CNTN3: variants seen among roughly 807,000 people sequenced by gnomAD.
CNTN3 encodes contactin 3.
CNTN3 carries 60 observed loss-of-function variants against 119.1 expected under a neutral mutation model. The ratio of observed to expected loss-of-function variants is 0.50; its 90% confidence interval spans 0.41 to 0.62. The LOEUF is 0.62. Among genes scored for constraint, CNTN3 ranks in the 20% least tolerant of loss-of-function variants. The pLI is 0.00. For synonymous variants in CNTN3, 450 were observed against 438.7 expected (o/e 1.03, Z -0.32); for missense variants, 1,101 against 1,242.4 (o/e 0.89, Z 1.71).
intron 4 of CNTN3, among the ~76,000 whole-genome samples, chr3:74,450,717 G>A (rs1283245021): frequency 7.6e-6 from 1 of 132,122 alleles, no homozygotes; most frequent in Non-Finnish European, 1.5e-5. Context: ...CTGTGTCCAT[G>A]TGTTCTCATT....
At chr3:74,340,802 CT>C (rs1416553906) in intron 11 of CNTN3, among the ~76,000 whole-genome samples, 1 of 152,118 alleles carries the variant, frequency 6.6e-6, no homozygotes, top group Non-Finnish European at 1.5e-5. Flanking sequence ...GTAAAAATGC[CT>C]CTTGTTGACT....
intron 1 of CNTN3, among the ~76,000 whole-genome samples, chr3:74,592,303 T>C (rs994885360): frequency 2.0e-5 from 3 of 151,912 alleles, no homozygotes; most frequent in South Asian, 2.1e-4. Context: ...GCACCTGTTC[T>C]AGAAGCTCAG....
At chr3:74,489,321 C>A (rs1575776034) in intron 3 of CNTN3, among the ~76,000 whole-genome samples, 1 of 152,208 alleles carries the variant, frequency 6.6e-6, no homozygotes, top group East Asian at 1.9e-4. Flanking sequence ...CTACAGTAGA[C>A]ACAAGCAGAA....
chr3:74,520,948 G>C (rs890693163), intron 2 of CNTN3, 110 bp downstream of exon 2: 6 of 534,058 alleles, frequency 1.1e-5, no homozygotes, highest in African/African-American at 8.0e-5. Context: ...AAAAACATTT[G>C]TTTTTCTTTG....
At chr3:74,464,310 A>G (rs1702422841) in intron 4 of CNTN3, among the ~76,000 whole-genome samples, 1 of 152,196 alleles carries the variant, frequency 6.6e-6, no homozygotes, top group East Asian at 1.9e-4. Context: ...AGCAGCCCCC[A>G]TAATTCTCAA....
At chr3:74,586,203 G>A (rs1369518256) in intron 1 of CNTN3, among the ~76,000 whole-genome samples, 1 of 152,088 alleles carries the variant, frequency 6.6e-6, no homozygotes, top group Non-Finnish European at 1.5e-5. Context: ...TTCCAAATCT[G>A]AGAAAACCTC....
intron 2 of CNTN3, among the ~76,000 whole-genome samples, chr3:74,515,838 C>T (rs1331950367): frequency 6.6e-6 from 1 of 152,008 alleles, no homozygotes; most frequent in Non-Finnish European, 1.5e-5. Context: ...TTTGACCATT[C>T]ACTTAAGGCT....
chr3:74,430,332 C>G (rs1355852531), intron 4 of CNTN3, among the ~76,000 whole-genome samples: 1 of 152,176 alleles, frequency 6.6e-6, no homozygotes, highest in Non-Finnish European at 1.5e-5. Flanking sequence ...AATCTTTATA[C>G]ACCCAACCCC....
rs749571003 is a variant in CNTN3 at position 74,299,951 on chromosome 3, G to A, written c.2096-13C>T. 2.0e-6 allele frequency: 3 copies of A among 1,530,770 alleles called. No individual in the cohort carries two copies. In the South Asian group the frequency reaches 3.8e-5, roughly 20 times the overall value. The allele number at this position is 1,530,770 out of a possible 1,614,324, so 94.8% of individuals were successfully genotyped here. On this transcript the variant is annotated splice_polypyrimidine_tract_variant and intron_variant, in intron 16 of 22. Transcript: ENST00000263665. ...GGCACTTCTGGAACTATACAGGTCA[G>A]AGAAACAGAGATGAAATGGTACTTG...
At chr3:74,425,226 T>C (rs1255073755) in intron 4 of CNTN3, among the ~76,000 whole-genome samples, 1 of 152,116 alleles carries the variant, frequency 6.6e-6, no homozygotes, top group Non-Finnish European at 1.5e-5. Context: ...TTTCTAATCC[T>C]TACCCCTCTC....
chr3:74,513,808 T>C (rs1265587079), intron 2 of CNTN3, among the ~76,000 whole-genome samples: 1 of 152,030 alleles, frequency 6.6e-6, no homozygotes, highest in Non-Finnish European at 1.5e-5. Flanking sequence ...AATATTACTT[T>C]TGTCACCCCT....
chr3:74,386,330 T>C (rs1273613375), intron 5 of CNTN3, among the ~76,000 whole-genome samples: 1 of 152,144 alleles, frequency 6.6e-6, no homozygotes, highest in East Asian at 1.9e-4. Context: ...ATTACAAACA[T>C]GAGTATATGG....
chr3:74,342,155 T>A (rs1488905835), intron 11 of CNTN3, among the ~76,000 whole-genome samples: 1 of 152,086 alleles, frequency 6.6e-6, no homozygotes, highest in Non-Finnish European at 1.5e-5. Flanking sequence ...TATACATTGA[T>A]GAAAATGTAT....
chr3:74,359,256 A>T (rs937531726), intron 11 of CNTN3, among the ~76,000 whole-genome samples: 1 of 152,158 alleles, frequency 6.6e-6, no homozygotes, highest in African/African-American at 2.4e-5. Context: ...TTTTTCAGCC[A>T]CTTTTACTTT....
At position 74,387,931 on chromosome 3, in the gene CNTN3, T is replaced by A. The variant is rs151167407; in HGVS notation, c.455-16532A>T. ...AATTTATATTTAACATTCTAACTCA[T>A]CTATAAAATGGGACCTGGTAATTAA... is the stretch of plus-strand genomic sequence containing the variant. On this transcript the variant is annotated intron_variant, in intron 5 of 22. Coordinates refer to ENST00000263665, the MANE Select transcript of CNTN3 (RefSeq NM_020872.3). Among the ~76,000 whole-genome samples the A allele has an allele frequency of 4.8e-3, 724 of 152,340 alleles. 12 individuals are homozygous for A. The highest frequency in any genetic ancestry group is 0.017 in the African/African-American group (688 of 41,584).
At chr3:74,365,793 A>G in intron 8 of CNTN3, 91 bp from the exon 9 acceptor site, 1 of 1,385,368 alleles carries the variant, frequency 7.2e-7, no homozygotes, top group Non-Finnish European at 9.8e-7. Context: ...CTGGATTAAT[A>G]GAAATGGACA....
chr3:74,428,407 A>C (rs1285020561), intron 4 of CNTN3, among the ~76,000 whole-genome samples: 2 of 152,100 alleles, frequency 1.3e-5, no homozygotes, highest in African/African-American at 4.8e-5. Flanking sequence ...TAAGATGTGG[A>C]GGTGGAAGAC....
chr3:74,370,051 T>G (rs751723104), intron 6 of CNTN3, 60 bp from the exon 7 acceptor site: 1 of 949,776 alleles, frequency 1.1e-6, no homozygotes, highest in Non-Finnish European at 1.6e-6. Context: ...TGCCTCGTTT[T>G]TCTTAAATAA....
At chr3:74,582,177 T>C (rs1057265913) in intron 1 of CNTN3, among the ~76,000 whole-genome samples, 1 of 151,800 alleles carries the variant, frequency 6.6e-6, no homozygotes, top group African/African-American at 2.4e-5. Context: ...GAGGCAGAGG[T>C]GGATGGATCA....
Sources: gnomAD v4.1 joint callset for allele counts (sites outside exome capture counted in the v4.1 genomes callset) on GRCh38, gnomAD v4.1.1 for gene constraint, MANE v1.5 for transcripts, NCBI Gene and HGNC (gene_info 2026-07-23, HGNC 2026-07-21) for gene names.